Variants in PBX4 observed in about 807,000 individuals in gnomAD.
PBX4 encodes PBX homeobox 4.
In PBX4, 26 loss-of-function variants were observed where a neutral mutation model predicts 35.1. The observed-to-expected ratio is 0.74, with a 90% CI of 0.54 to 1.03. PBX4 has a LOEUF of 1.03. Among genes scored for constraint, PBX4 ranks in the 50% least tolerant of loss-of-function variants. The pLI is 0.00. For synonymous variants in PBX4, 199 were observed against 204.2 expected, an observed-to-expected ratio of 0.97 and a Z score of 0.22; for missense variants, 448 against 504.3, an observed-to-expected ratio of 0.89 and a Z score of 1.07.
intron 2 of PBX4, among the ~76,000 whole-genome samples, chr19:19,578,721 A>AT (rs2061435756): frequency 6.6e-6 from 1 of 152,234 alleles, no homozygotes; most frequent in African/African-American, 2.4e-5. Context: ...CTAAGAAACA[A>AT]TATGGCAATG....
chr19:19,587,524 G>T (rs2061497555), intron 2 of PBX4, among the ~76,000 whole-genome samples: 1 of 148,592 alleles, frequency 6.7e-6, no homozygotes, highest in South Asian at 2.2e-4. Context: ...GGAGGCAGAG[G>T]TTGTGGTGAG....
At chr19:19,601,918 C>T (rs894103715) in intron 1 of PBX4, among the ~76,000 whole-genome samples, 4 of 152,030 alleles carry the variant, frequency 2.6e-5, no homozygotes, top group Admixed American at 1.3e-4. Flanking sequence ...GCAGGCAGAT[C>T]GCTGGAGCTC....
At chr19:19,564,898 G>C in intron 6 of PBX4, 35 bp downstream of exon 6, 1 of 1,613,990 alleles carries the variant, frequency 6.2e-7, no homozygotes, top group Non-Finnish European at 8.5e-7. Flanking sequence ...GTCCACATGG[G>C]TACAGATGAC....
chr19:19,583,667 T>C (rs958615928), intron 2 of PBX4, among the ~76,000 whole-genome samples: 4 of 151,616 alleles, frequency 2.6e-5, no homozygotes, highest in African/African-American at 9.7e-5. Context: ...TGGGCAAACC[T>C]GGTCAGGCAC....
At chr19:19,604,804 A>G (rs35545554) in intron 1 of PBX4, among the ~76,000 whole-genome samples, 127,378 of 150,970 alleles carry the variant, frequency 0.84, 53,894 homozygotes, top group East Asian at 0.98. Flanking sequence ...GTTTCATGGT[A>G]TTAGCCAGGA....
chr19:19,574,758 C>T (rs1313407115), intron 2 of PBX4, among the ~76,000 whole-genome samples: 1 of 151,996 alleles, frequency 6.6e-6, no homozygotes, highest in Non-Finnish European at 1.5e-5. Flanking sequence ...CCTCAGCCTC[C>T]CGAGTAGCTG....
intron 2 of PBX4, among the ~76,000 whole-genome samples, chr19:19,572,485 A>G (rs1341654822): frequency 2.0e-5 from 3 of 152,030 alleles, no homozygotes; most frequent in African/African-American, 7.3e-5. Context: ...TATTCCCTAC[A>G]TAACAGATGA....
chr19:19,606,971 A>C lies in PBX4; in HGVS notation c.120-7606T>G, dbSNP rs184738079. On this transcript the variant is annotated intron_variant, in intron 1 of 7. Coordinates refer to ENST00000251203, the MANE Select transcript of PBX4 (RefSeq NM_025245.3). Reference sequence around the variant, plus strand: ...GCGCCACTGAACTCCAGGCTGGGTGACACAGCAAGACTCTGTCTCAAAACA... The same window carrying C: ...GCGCCACTGAACTCCAGGCTGGGTGCCACAGCAAGACTCTGTCTCAAAACA... Among the ~76,000 whole-genome samples, 10 of 152,256 alleles carry C rather than the reference A, an allele frequency of 6.6e-5. No individual in the cohort carries two copies. The East Asian group carries it at 1.6e-3, about 24-fold the overall frequency.
At chr19:19,577,940 G>A (rs1279570089) in intron 2 of PBX4, among the ~76,000 whole-genome samples, 3 of 150,714 alleles carry the variant, frequency 2.0e-5, no homozygotes, top group Non-Finnish European at 4.4e-5. Context: ...CACTTTGGGA[G>A]GCCGAGGCAG....
intron 2 of PBX4, chr19:19,588,210 AGGCATCAGAGACCCCAGGGCCTCC>A: frequency 7.4e-7 from 1 of 1,356,320 alleles, no homozygotes; most frequent in South Asian, 1.2e-5. Flanking sequence ...TTACAATAAT[AGGCATCAGAGACCCCAGGGCCTCC>A]ACAGATCACA....
At chr19:19,602,635 ATATT>A (rs2061604516) in intron 1 of PBX4, among the ~76,000 whole-genome samples, 1 of 151,928 alleles carries the variant, frequency 6.6e-6, no homozygotes, top group Non-Finnish European at 1.5e-5. Context: ...AAGTCTCACT[ATATT>A]GCCCAGGCTG....
At chr19:19,610,286 G>A (rs1259105903) in intron 1 of PBX4, among the ~76,000 whole-genome samples, 2 of 152,106 alleles carry the variant, frequency 1.3e-5, no homozygotes, top group East Asian at 3.9e-4. Flanking sequence ...GGTGGCACGT[G>A]CCTGGAATCC....
intron 3 of PBX4, 63 bp from the exon 4 acceptor site, chr19:19,570,362 G>T (rs576239480): frequency 2.6e-6 from 4 of 1,528,150 alleles, no homozygotes; most frequent in Non-Finnish European, 3.5e-6. Context: ...AGGGCAGCAG[G>T]TTCCACAGCG....
rs773575047 is a variant in PBX4, at chr19:19,562,088, G to C, written c.1062C>G (p.Pro354=). 6.2e-6 allele frequency: 10 copies of C among 1,612,630 alleles called. No homozygotes were observed. The South Asian group carries it at 6.6e-5, about 11-fold the overall frequency. ...QAQGSWQGAT[P]QPATASPAGD... The stretch of plus-strand genomic sequence containing the variant: ...CAGCAGGTGAGGCAGTTGCAGGTTG[G>C]GGGGTGGCCCCCTGCCAGCTACCCT... The change falls in exon 8 of 8, where the codon CCC becomes CCG. Residue 354 remains proline, a synonymous_variant. Transcript: ENST00000251203. This position sits in a 1 kb window ranked among gnomAD's most constrained non-coding sequence, Gnocchi z 4.8.
chr19:19,602,323 C>A (rs1160797758), intron 1 of PBX4, among the ~76,000 whole-genome samples: 3 of 152,106 alleles, frequency 2.0e-5, no homozygotes, highest in Non-Finnish European at 2.9e-5. Flanking sequence ...GGAGAGGGAA[C>A]AAGGTTGGGA....
In PBX4 at chr19:19,562,600, C is replaced by T. The variant is rs909431061; in HGVS notation, c.1033-483G>A. Among the ~76,000 whole-genome samples the T allele has an allele frequency of 5.9e-5, 9 of 152,126 alleles. No individual in the cohort carries two copies. The highest frequency in any genetic ancestry group is 1.0e-4 in the Non-Finnish European group (7 of 68,010). On this transcript the variant is annotated intron_variant, in intron 7 of 7. Coordinates refer to ENST00000251203, the MANE Select transcript of PBX4 (RefSeq NM_025245.3). The surrounding 1 kb of genome is among the most constrained non-coding windows in gnomAD (Gnocchi z 4.8). ...GGGGGCTCTGTCTGCAGTGCAGAGA[C>T]GGCATCACGTCCAACGGCGCTAAGA...
At chr19:19,564,222 T>C (rs1396582458) in intron 6 of PBX4, among the ~76,000 whole-genome samples, 1 of 144,666 alleles carries the variant, frequency 6.9e-6, no homozygotes, top group Admixed American at 7.2e-5. Flanking sequence ...AATTCCCACC[T>C]ATGAGTGAGA....
chr19:19,592,043 TAG>T (rs1187972585), intron 2 of PBX4, among the ~76,000 whole-genome samples: 3 of 151,810 alleles, frequency 2.0e-5, no homozygotes, highest in Non-Finnish European at 2.9e-5. Flanking sequence ...GTATTTTTAG[TAG>T]AGATGGGTGG....
At chr19:19,576,852 G>T (rs1292050172) in intron 2 of PBX4, among the ~76,000 whole-genome samples, 1 of 151,544 alleles carries the variant, frequency 6.6e-6, no homozygotes, top group Non-Finnish European at 1.5e-5. Context: ...GTCCTCAAGC[G>T]AGCCTCCACC....
Sources: allele counts gnomAD v4.1 joint callset (sites outside exome capture counted in the v4.1 genomes callset), GRCh38; gene constraint gnomAD v4.1.1; non-coding constraint Gnocchi (gnomAD v3.1); transcripts MANE v1.5; gene names NCBI Gene and HGNC (gene_info 2026-07-23, HGNC 2026-07-21).